RORA: variants seen among roughly 807,000 people sequenced by gnomAD.
RORA encodes RAR related orphan receptor A.
In RORA, 7 loss-of-function variants were observed where a neutral mutation model predicts 69.5. The observed-to-expected ratio is 0.10, with a 90% CI of 0.06 to 0.19. RORA has a LOEUF of 0.19. RORA is among the 10% of genes least tolerant of loss of function. RORA has a pLI of 1.00. For missense variants in RORA, 457 were observed against 663.0 expected, an observed-to-expected ratio of 0.69 and a Z score of 3.41; for synonymous variants, 261 against 240.8, an observed-to-expected ratio of 1.08 and a Z score of -0.78.
chr15:60,545,875 G>A (rs1055695507), intron 2 of RORA, among the ~76,000 whole-genome samples: 1 of 152,166 alleles, frequency 6.6e-6, no homozygotes, highest in East Asian at 1.9e-4. Context: ...GAGATCTCAG[G>A]AATAGTGATA....
At chr15:60,996,852 G>A (rs1010323080) in intron 1 of RORA, among the ~76,000 whole-genome samples, 4 of 152,108 alleles carry the variant, frequency 2.6e-5, no homozygotes, top group Admixed American at 1.3e-4. Context: ...GGAGCTTGCA[G>A]TGAGTGGAGA....
At chr15:61,187,467 T>C (rs957489255) in intron 1 of RORA, among the ~76,000 whole-genome samples, 3 of 151,768 alleles carry the variant, frequency 2.0e-5, no homozygotes, top group African/African-American at 4.8e-5. Flanking sequence ...AGGGGGAGGA[T>C]AGGGAGATCT....
At chr15:60,529,182 C>T (rs1238531259) in intron 3 of RORA, 1 of 152,194 alleles carries the variant, frequency 6.6e-6, no homozygotes, top group Non-Finnish European at 1.5e-5. Flanking sequence ...CAGAAGATGA[C>T]TGATCACCTT....
At chr15:61,187,359 G>A (rs973930430) in intron 1 of RORA, among the ~76,000 whole-genome samples, 14 of 152,220 alleles carry the variant, frequency 9.2e-5, no homozygotes, top group African/African-American at 3.1e-4. Context: ...CAGAGTTCCG[G>A]ACTATTAATG....
At chr15:60,600,464 G>T (rs373695425) in intron 2 of RORA, among the ~76,000 whole-genome samples, 1 of 152,172 alleles carries the variant, frequency 6.6e-6, no homozygotes, top group Admixed American at 6.5e-5. Flanking sequence ...TATAGGATGG[G>T]ATTCATCTGG....
At chr15:60,750,409 T>C (rs1038029272) in intron 1 of RORA, among the ~76,000 whole-genome samples, 1 of 152,272 alleles carries the variant, frequency 6.6e-6, no homozygotes, top group African/African-American at 2.4e-5. Flanking sequence ...ATTGTGCAGA[T>C]AATTTTCTTT....
At chr15:61,225,385 A>T (rs925532443) in intron 1 of RORA, among the ~76,000 whole-genome samples, 4 of 152,152 alleles carry the variant, frequency 2.6e-5, no homozygotes, top group Non-Finnish European at 4.4e-5. Flanking sequence ...AAGAGCACCT[A>T]CTAGAAAGTG....
chr15:60,492,924 A>ATAAT lies in RORA; in HGVS notation c.*4527_*4530dup, dbSNP rs1237866588. Reference sequence around the variant, plus strand: ...GATAGTATTATTATCATTATTATTAATAATAAAAAACACAATTTGTCCCAG... The same window carrying ATAAT: ...GATAGTATTATTATCATTATTATTAATAATTAATAAAAAACACAATTTGTCCCAG... On this transcript the variant is annotated 3_prime_UTR_variant, in exon 11 of 11. Coordinates refer to ENST00000335670, the MANE Select transcript of RORA (RefSeq NM_134261.3). 2.6e-5 allele frequency: 4 copies of ATAAT among 152,090 alleles called. No individual in the cohort carries two copies. Among genetic ancestry groups the ATAAT allele is most frequent in the Non-Finnish European group, 4.4e-5 (3 of 68,006 alleles). The allele number at this position is 152,090 out of a possible 1,614,324, so 9.4% of individuals were successfully genotyped here. A position where few individuals can be genotyped will look rare whatever the true frequency, so the allele number is the denominator to read the frequency against.
intron 1 of RORA, among the ~76,000 whole-genome samples, chr15:61,054,559 A>C: frequency 6.6e-6 from 1 of 152,232 alleles, no homozygotes; most frequent in South Asian, 2.1e-4. Context: ...CTTTTGATTT[A>C]GGCTCCAAGC....
chr15:60,897,604 G>A (rs536130007), intron 1 of RORA, among the ~76,000 whole-genome samples: 2 of 152,290 alleles, frequency 1.3e-5, no homozygotes, highest in South Asian at 4.1e-4. Context: ...CACATCCACT[G>A]GATAGATGCC....
At chr15:61,056,701 G>C (rs2078101766) in intron 1 of RORA, among the ~76,000 whole-genome samples, 1 of 152,090 alleles carries the variant, frequency 6.6e-6, no homozygotes, top group Non-Finnish European at 1.5e-5. Flanking sequence ...CTCTATTCTA[G>C]AATAAAGGCA....
At chr15:60,734,299 C>T (rs1021329415) in intron 1 of RORA, among the ~76,000 whole-genome samples, 4 of 152,092 alleles carry the variant, frequency 2.6e-5, no homozygotes, top group African/African-American at 9.7e-5. Context: ...GGAGATGGGG[C>T]CTCTCAGTGA....
intron 2 of RORA, among the ~76,000 whole-genome samples, chr15:60,621,657 C>G (rs2069410717): frequency 6.6e-6 from 1 of 152,108 alleles, no homozygotes; most frequent in Non-Finnish European, 1.5e-5. Context: ...GGTTGGGGAA[C>G]AGTATTGTAT....
chr15:61,139,982 G>C (rs1314979875), intron 1 of RORA, among the ~76,000 whole-genome samples: 3 of 152,144 alleles, frequency 2.0e-5, no homozygotes, highest in African/African-American at 7.2e-5. Flanking sequence ...TGAGATGCTG[G>C]AGGACACCAT....
chr15:61,142,547 A>C (rs537425034), intron 1 of RORA, among the ~76,000 whole-genome samples: 1 of 81,580 alleles, frequency 1.2e-5, no homozygotes, highest in African/African-American at 3.2e-5. Flanking sequence ...AACCTGACAA[A>C]AATAACCAGA....
chr15:60,961,698 G>A (rs542633394), intron 1 of RORA, among the ~76,000 whole-genome samples: 1 of 152,292 alleles, frequency 6.6e-6, no homozygotes, highest in South Asian at 2.1e-4. Context: ...TTAATCCACC[G>A]ATATATGTTG....
intron 1 of RORA, among the ~76,000 whole-genome samples, chr15:60,797,555 C>T (rs779548612): frequency 4.7e-4 from 71 of 152,096 alleles, no homozygotes; most frequent in African/African-American, 6.3e-4. Flanking sequence ...GTTTTAAAAC[C>T]GTGAAATTAG....
At chr15:60,714,692 C>G (rs1461840494) in intron 1 of RORA, among the ~76,000 whole-genome samples, 1 of 152,102 alleles carries the variant, frequency 6.6e-6, no homozygotes, top group African/African-American at 2.4e-5. Context: ...AAGGATTTTT[C>G]TTCTTACATA....
intron 1 of RORA, among the ~76,000 whole-genome samples, chr15:61,059,988 G>GAAGAAGAAGAAGAAGAAGAA (rs2078155698): frequency 3.5e-5 from 3 of 85,948 alleles, no homozygotes; most frequent in African/African-American, 5.1e-5. Context: ...AAGAGGAAGA[G>GAAGAAGAAGAAGAAGAAGAA]GAAGAAGAAG....
Sources: allele counts gnomAD v4.1 joint callset (sites outside exome capture counted in the v4.1 genomes callset), GRCh38; gene constraint gnomAD v4.1.1; transcripts MANE v1.5; gene names NCBI Gene and HGNC (gene_info 2026-07-23, HGNC 2026-07-21).